The following UGT1A9 variants were observed in gnomAD, a reference collection of about 807,000 sequenced individuals.
The protein encoded by UGT1A9 is UDP-glucuronosyltransferase 1A9.
UGT1A9 carries 35 observed loss-of-function variants against 45.0 expected under a neutral mutation model. The observed-to-expected ratio is 0.78, with a 90% confidence interval of 0.59 to 1.03. The LOEUF (loss-of-function observed/expected upper bound fraction) is 1.03. Among genes scored for constraint, UGT1A9 ranks in the 50% least tolerant of loss-of-function variants. The probability of loss-of-function intolerance (pLI) is 0.00; values close to 1 mark genes in which losing one functional copy is unlikely to be tolerated. For synonymous variants in UGT1A9, 278 were observed against 250.6 expected (o/e 1.11, Z -1.03); for missense variants, 687 against 666.6 (o/e 1.03, Z -0.34).
chr2:233,732,616 A>C (rs1187431518), intron 1 of UGT1A9, among the ~76,000 whole-genome samples: 1 of 152,194 alleles, frequency 6.6e-6, no homozygotes, highest in Non-Finnish European at 1.5e-5. Flanking sequence ...AAATGGTTGT[A>C]GATGTGTGGT....
At chr2:233,697,756 T>A (rs974445087) in intron 1 of UGT1A9, among the ~76,000 whole-genome samples, 2 of 152,164 alleles carry the variant, frequency 1.3e-5, no homozygotes, top group Non-Finnish European at 2.9e-5. Flanking sequence ...GCCCATAGAT[T>A]TTGATACATT....
In UGT1A9 at chr2:233,760,531, C is replaced by T. The variant is rs1397137648; in HGVS notation, c.856-6503C>T. 4 of 1,614,130 alleles carry T rather than the reference C, an allele frequency of 2.5e-6. No homozygotes were observed. Among genetic ancestry groups the T allele is most frequent in the Non-Finnish European group, 3.4e-6 (4 of 1,180,056 alleles). ...TTACACCTTGAAGACGTACCCTGTG[C>T]CATTCCAAAGGGAGGATGTGAAAGA... is the stretch of plus-strand genomic sequence containing the variant. On this transcript the variant is annotated intron_variant, in intron 1 of 4. Coordinates refer to ENST00000354728, the MANE Select transcript of UGT1A9 (RefSeq NM_021027.3).
chr2:233,752,944 C>T (rs1559397408), intron 1 of UGT1A9, among the ~76,000 whole-genome samples: 2 of 152,230 alleles, frequency 1.3e-5, no homozygotes, highest in Non-Finnish European at 2.9e-5. Context: ...TTGCTGACCA[C>T]TGAACAATGG....
At chr2:233,755,221 C>T (rs1695818847) in intron 1 of UGT1A9, 1 of 995,834 alleles carries the variant, frequency 1.0e-6, no homozygotes. Context: ...TTGATACCCT[C>T]GGACGAGGCC....
chr2:233,692,798 G>A (rs951842538), intron 1 of UGT1A9: 26 of 1,382,070 alleles, frequency 1.9e-5, no homozygotes, highest in African/African-American at 5.9e-5. Context: ...AAGCTGACAC[G>A]GCCATAGTTG....
chr2:233,682,170 C>T, intron 1 of UGT1A9: 1 of 1,614,210 alleles, frequency 6.2e-7, no homozygotes, highest in Non-Finnish European at 8.5e-7. Context: ...AAGACTTACT[C>T]AACCTCATAC....
At chr2:233,703,771 TA>T (rs1575476815) in intron 1 of UGT1A9, among the ~76,000 whole-genome samples, 2 of 151,768 alleles carry the variant, frequency 1.3e-5, no homozygotes, top group African/African-American at 2.4e-5. Context: ...GCAGACAAGA[TA>T]TTATTAGTCC....
chr2:233,700,811 T>C (rs969820712), intron 1 of UGT1A9, among the ~76,000 whole-genome samples: 1 of 152,126 alleles, frequency 6.6e-6, no homozygotes, highest in Non-Finnish European at 1.5e-5. Flanking sequence ...CATGTTGGTG[T>C]GCTGCACCCA....
intron 1 of UGT1A9, among the ~76,000 whole-genome samples, chr2:233,719,977 G>A (rs928010366): frequency 8.5e-5 from 13 of 152,146 alleles, no homozygotes; most frequent in Admixed American, 4.6e-4. Flanking sequence ...CCTTCAGCTC[G>A]GCAGGATCAG....
intron 1 of UGT1A9, chr2:233,690,722 A>G (rs2075004731): frequency 1.6e-6 from 2 of 1,215,054 alleles, no homozygotes; most frequent in Non-Finnish European, 2.1e-6. Flanking sequence ...TGACGAACAG[A>G]CATGCCAGAT....
At chr2:233,764,983 T>A (rs1575807741) in intron 1 of UGT1A9, among the ~76,000 whole-genome samples, 1 of 152,200 alleles carries the variant, frequency 6.6e-6, no homozygotes, top group East Asian at 1.9e-4. Flanking sequence ...GGTCAGTGTC[T>A]GGGGCTTTCC....
chr2:233,754,489 A>T, intron 1 of UGT1A9: 1 of 357,276 alleles, frequency 2.8e-6, no homozygotes. Context: ...TTTCAATCCT[A>T]AAAAAAGTCC....
intron 1 of UGT1A9, among the ~76,000 whole-genome samples, chr2:233,676,457 ACAACTCATTCAC>A (rs1320843255): frequency 1.3e-5 from 2 of 152,218 alleles, no homozygotes; most frequent in African/African-American, 4.8e-5. Flanking sequence ...CACATCCATC[ACAACTCATTCAC>A]CAATATTGAC....
rs574685315 is a variant in UGT1A9 at position 233,731,448 on chromosome 2, A to C, written c.856-35586A>C. Among the ~76,000 whole-genome samples, 490 of 151,900 alleles carry C rather than the reference A, an allele frequency of 3.2e-3. 2 individuals carry two copies. The highest frequency in any genetic ancestry group is 0.01 in the African/African-American group (431 of 41,418). Reference sequence around the variant, plus strand: ...CATCCCTCCCCCAGTCCCCCACCCCACAACAGGCCCTGGCGTGTGATGTTC... The same window carrying C: ...CATCCCTCCCCCAGTCCCCCACCCCCCAACAGGCCCTGGCGTGTGATGTTC... On this transcript the variant is annotated intron_variant, in intron 1 of 4. Coordinates refer to ENST00000354728, the MANE Select transcript of UGT1A9 (RefSeq NM_021027.3).
Position 233,725,630 on chromosome 2 carries a change from A to G in UGT1A9, c.856-41404A>G, listed in dbSNP as rs544565548. ...TCTTGCTAAGTCTTCAAAATCTAGCATATATCTGACATTTACAGCATATCT... is the reference window on the plus strand; with the variant it reads ...TCTTGCTAAGTCTTCAAAATCTAGCGTATATCTGACATTTACAGCATATCT... On this transcript the variant is annotated intron_variant, in intron 1 of 4. Transcript: ENST00000354728. 6.6e-5 allele frequency among the ~76,000 whole-genome samples: 10 copies of G among 152,292 alleles called. No individual in the cohort carries two copies. The South Asian group carries it at 1.5e-3, about 22-fold the overall frequency.
Position 233,729,585 on chromosome 2 carries a change from C to T in UGT1A9, c.856-37449C>T, listed in dbSNP as rs138617806. ...CCTTTGATGTGGTTTTAACAGACCC[C>T]GTTAACCTCTGCGCGGCAGTGCTGG... On this transcript the variant is annotated intron_variant, in intron 1 of 4. Transcript: ENST00000354728. 5.8e-5 allele frequency: 94 copies of T among 1,614,084 alleles called. 1 individual carries two copies. Among genetic ancestry groups the T allele is most frequent in the East Asian group, 4.2e-4 (19 of 44,882 alleles).
chr2:233,736,583 G>C (rs1481937914), intron 1 of UGT1A9, among the ~76,000 whole-genome samples: 3 of 152,232 alleles, frequency 2.0e-5, no homozygotes, highest in Non-Finnish European at 4.4e-5. Context: ...CTTTGGAGGA[G>C]ATGTGCTTAT....
At chr2:233,752,688 T>G (rs143415003) in intron 1 of UGT1A9, 1 of 152,282 alleles carries the variant, frequency 6.6e-6, no homozygotes, top group Non-Finnish European at 1.5e-5. Flanking sequence ...GAAATTCATG[T>G]TTACTAGTGG....
At chr2:233,762,024 A>T (rs1393568604) in intron 1 of UGT1A9, among the ~76,000 whole-genome samples, 1 of 151,856 alleles carries the variant, frequency 6.6e-6, no homozygotes, top group Non-Finnish European at 1.5e-5. Context: ...TTTGTATTTT[A>T]TTTTTTTTAA....
Sources: gnomAD v4.1 joint callset for allele counts (sites outside exome capture counted in the v4.1 genomes callset) on GRCh38, gnomAD v4.1.1 for gene constraint, MANE v1.5 for transcripts, NCBI Gene and HGNC (gene_info 2026-07-23, HGNC 2026-07-21) for gene names.